PPIP5K2: variants seen among roughly 807,000 people sequenced by gnomAD.
The protein encoded by PPIP5K2 is diphosphoinositol pentakisphosphate kinase 2, also known as inositol hexakisphosphate and diphosphoinositol-pentakisphosphate kinase 2.
In PPIP5K2, 105 loss-of-function variants were observed where a neutral mutation model predicts 154.6. The observed-to-expected ratio is 0.68, with a 90% CI of 0.58 to 0.80. PPIP5K2 has a LOEUF of 0.80. Ranked by LOEUF, PPIP5K2 falls within the 30% of genes least tolerant of loss-of-function variation. The pLI, the probability that PPIP5K2 is intolerant of heterozygous loss-of-function variation, is 0.00. For missense variants in PPIP5K2, 992 were observed against 1,504.6 expected (o/e 0.66, Z 5.64); for synonymous variants, 480 against 490.3 (o/e 0.98, Z 0.28).
In PPIP5K2 at chr5:103,173,223, A is replaced by G. The variant is rs1798225558; in HGVS notation, c.2355A>G (p.Lys785=). ...AKGYCTPLVR[K]IRSDLQRTQD... is the part of the protein sequence containing the mutation. ...GCTACTGTACTCCTCTGGTTAGAAA[A>G]ATTCGCTCAGACCTTCAGAGGACAC... The change falls in exon 20 of 31, where the codon AAA becomes AAG. Residue 785 remains lysine (K), a synonymous_variant. Coordinates refer to ENST00000358359, the MANE Select transcript of PPIP5K2 (RefSeq NM_001276277.3). 3.1e-6 allele frequency: 5 copies of G among 1,611,814 alleles called. No individual in the cohort carries two copies. Among genetic ancestry groups the G allele is most frequent in the Non-Finnish European group, 4.2e-6 (5 of 1,178,636 alleles).
intron 1 of PPIP5K2, among the ~76,000 whole-genome samples, chr5:103,124,438 T>C (rs956303865): frequency 7.9e-5 from 12 of 152,194 alleles, no homozygotes; most frequent in Admixed American, 2.6e-4. Context: ...TTTAGTATAA[T>C]GGCCTTTGGT....
At chr5:103,190,716 G>A in intron 28 of PPIP5K2, 126 bp from the exon 29 acceptor site, 1 of 698,080 alleles carries the variant, frequency 1.4e-6, no homozygotes, top group South Asian at 3.1e-5. Context: ...GAGATATTGT[G>A]TGTTTGCATG....
At position 103,202,419 on chromosome 5, in the gene PPIP5K2, T is replaced by C. The variant is rs1803154985; in HGVS notation, c.*785T>C. 1 of 152,194 alleles carries C rather than the reference T, an allele frequency of 6.6e-6. No homozygotes were observed. The allele number at this position is 152,194 out of a possible 1,614,324, so 9.4% of individuals were successfully genotyped here. A position where few individuals can be genotyped will look rare whatever the true frequency, so the allele number is the denominator to read the frequency against. On this transcript the variant is annotated 3_prime_UTR_variant, in exon 31 of 31. Transcript: ENST00000358359. ...TAAGTATAGTTGACAAGTGTATAAATGTTACACTTACTTTCAGAGTTCTTT... is the reference window on the plus strand; with the variant it reads ...TAAGTATAGTTGACAAGTGTATAAACGTTACACTTACTTTCAGAGTTCTTT...
intron 1 of PPIP5K2, among the ~76,000 whole-genome samples, chr5:103,125,351 T>C (rs1554200358): frequency 6.6e-6 from 1 of 152,122 alleles, no homozygotes; most frequent in East Asian, 1.9e-4. Context: ...ATTGAGGCCA[T>C]AAGAAGTTAA....
intron 7 of PPIP5K2, chr5:103,148,287 T>C: frequency 2.2e-6 from 1 of 456,326 alleles, no homozygotes; most frequent in Non-Finnish European, 4.0e-6. Context: ...TATAATAAAA[T>C]ATTTAAAAAC....
chr5:103,155,759 T>A, intron 13 of PPIP5K2, 150 bp from the exon 14 acceptor site: 5 of 639,882 alleles, frequency 7.8e-6, no homozygotes, highest in South Asian at 7.3e-5. Flanking sequence ...TTGTTTTTAA[T>A]GTGGTTAGAA....
In PPIP5K2 at chr5:103,206,812, C is replaced by T. The variant is rs1803540078; in HGVS notation, c.*5178C>T. 6.6e-6 allele frequency: 1 copy of T among 152,196 alleles called. No homozygotes were observed. Among genetic ancestry groups the T allele is most frequent in the South Asian group, 2.1e-4 (1 of 4,834 alleles). The allele number at this position is 152,196 out of a possible 1,614,324, so 9.4% of individuals were successfully genotyped here. Reference sequence around the variant, plus strand: ...ATGCGTCAATCAGACGACATGCAGTCCAGGCAGAGGAAATTGTTTCACTGC... The same window carrying T: ...ATGCGTCAATCAGACGACATGCAGTTCAGGCAGAGGAAATTGTTTCACTGC... On this transcript the variant is annotated 3_prime_UTR_variant, in exon 31 of 31. Transcript: ENST00000358359.
intron 5 of PPIP5K2, among the ~76,000 whole-genome samples, chr5:103,143,521 G>A (rs1554207985): frequency 6.6e-6 from 1 of 152,176 alleles, no homozygotes; most frequent in African/African-American, 2.4e-5. Flanking sequence ...AAGGAAGGAA[G>A]GGAGGACAAA....
intron 3 of PPIP5K2, among the ~76,000 whole-genome samples, 191 bp from the exon 4 acceptor site, chr5:103,136,540 CA>C (rs555846231): frequency 9.6e-4 from 146 of 152,082 alleles, no homozygotes; most frequent in African/African-American, 3.4e-3. Context: ...GTGCCTTAAT[CA>C]AATTATGAAA....
intron 1 of PPIP5K2, among the ~76,000 whole-genome samples, chr5:103,123,879 T>C (rs1554199840): frequency 6.6e-6 from 1 of 152,234 alleles, no homozygotes; most frequent in Non-Finnish European, 1.5e-5. Context: ...AAATGCTAAA[T>C]AATATGGAAG....
At chr5:103,133,842 A>G (rs1791039638) in intron 3 of PPIP5K2, among the ~76,000 whole-genome samples, 194 bp downstream of exon 3, 1 of 152,064 alleles carries the variant, frequency 6.6e-6, no homozygotes, top group Admixed American at 6.5e-5. Flanking sequence ...TTAGTGTCAT[A>G]GTGTATGTGT....
At chr5:103,156,212 G>GA (rs1353178015) in intron 14 of PPIP5K2, among the ~76,000 whole-genome samples, 2 of 152,106 alleles carry the variant, frequency 1.3e-5, no homozygotes, top group Non-Finnish European at 2.9e-5. Flanking sequence ...TTATTGTTCT[G>GA]AAAACTGCAT....
intron 17 of PPIP5K2, among the ~76,000 whole-genome samples, chr5:103,160,922 C>T (rs535623287): frequency 6.8e-4 from 103 of 150,382 alleles, no homozygotes; most frequent in Non-Finnish European, 1.0e-3. Context: ...CAGGTAATGT[C>T]AAACTGTTTT....
chr5:103,151,733 A>G (rs1452341539), intron 9 of PPIP5K2, among the ~76,000 whole-genome samples: 1 of 152,100 alleles, frequency 6.6e-6, no homozygotes, highest in Non-Finnish European at 1.5e-5. Context: ...CATTCATGAA[A>G]TAAACAGAGT....
intron 1 of PPIP5K2, among the ~76,000 whole-genome samples, chr5:103,125,245 G>C (rs1185998958): frequency 1.3e-5 from 2 of 152,144 alleles, no homozygotes; most frequent in African/African-American, 2.4e-5. Context: ...GTGGAGTATA[G>C]CCTAGACGTT....
At chr5:103,172,734 G>T (rs1554219860) in intron 19 of PPIP5K2, among the ~76,000 whole-genome samples, 1 of 151,754 alleles carries the variant, frequency 6.6e-6, no homozygotes, top group Non-Finnish European at 1.5e-5. Flanking sequence ...GAATGTGTTA[G>T]TCTTTTAAAT....
chr5:103,150,843 CT>C (rs377739666), intron 8 of PPIP5K2, among the ~76,000 whole-genome samples: 18,955 of 69,554 alleles, frequency 0.27, 1,353 homozygotes, highest in East Asian at 0.42. Context: ...GTCCATCCTC[CT>C]TTTTTTTTTT....
At chr5:103,125,216 T>G (rs1400836945) in intron 1 of PPIP5K2, among the ~76,000 whole-genome samples, 1 of 152,216 alleles carries the variant, frequency 6.6e-6, no homozygotes, top group Non-Finnish European at 1.5e-5. Context: ...CTACTCTCAA[T>G]CATTTTGATT....
chr5:103,191,031 A>G (rs781854397), intron 29 of PPIP5K2, 49 bp downstream of exon 29: 5 of 1,545,740 alleles, frequency 3.2e-6, no homozygotes, highest in Admixed American at 3.5e-5. Flanking sequence ...GGGCAACTAC[A>G]TACTATCTGA....
Sources: gnomAD v4.1 joint callset for allele counts (sites outside exome capture counted in the v4.1 genomes callset) on GRCh38, gnomAD v4.1.1 for gene constraint, MANE v1.5 for transcripts, NCBI Gene and HGNC (gene_info 2026-07-23, HGNC 2026-07-21) for gene names.